Variants in UST observed in about 807,000 individuals in gnomAD.
UST encodes uronyl 2-sulfotransferase.
A neutral mutation model predicts 45.6 loss-of-function variants in UST; 21 were observed. The observed-to-expected ratio is 0.46, with a 90% CI of 0.33 to 0.66. The LOEUF is 0.66. Among genes scored for constraint, UST ranks in the 30% least tolerant of loss-of-function variants. The pLI, the probability that UST is intolerant of heterozygous loss-of-function variation, is 0.02. For missense variants in UST, 463 were observed against 512.4 expected, an observed-to-expected ratio of 0.90 and a Z score of 0.93; for synonymous variants, 215 against 200.6, an observed-to-expected ratio of 1.07 and a Z score of -0.61.
chr6:148,921,297 A>C (rs955102850), intron 2 of UST, among the ~76,000 whole-genome samples: 2 of 152,198 alleles, frequency 1.3e-5, no homozygotes, highest in Non-Finnish European at 2.9e-5. Context: ...AGTTGAGAAT[A>C]ATTTAGTGCC....
At chr6:148,753,502 A>AT (rs904944440) in intron 1 of UST, among the ~76,000 whole-genome samples, 7 of 152,032 alleles carry the variant, frequency 4.6e-5, no homozygotes, top group African/African-American at 1.7e-4. Flanking sequence ...TTTCCTAAGA[A>AT]TTTTTTTTAT....
intron 2 of UST, among the ~76,000 whole-genome samples, chr6:148,905,434 A>G (rs1298035356): frequency 1.3e-5 from 2 of 152,182 alleles, no homozygotes; most frequent in African/African-American, 4.8e-5. Flanking sequence ...ACTCCATGGA[A>G]ACAGAATTGT....
At chr6:148,877,281 A>ATCGTGTTTGAGTGCGGGGG (rs1778684387) in intron 1 of UST, among the ~76,000 whole-genome samples, 3 of 6,256 alleles carry the variant, frequency 4.8e-4, no homozygotes, top group African/African-American at 8.4e-4. Flanking sequence ...GAGTGCGGGG[A>ATCGTGTTTGAGTGCGGGGG]GTTGTGTATG....
At chr6:148,822,135 C>T (rs1328448004) in intron 1 of UST, among the ~76,000 whole-genome samples, 4 of 152,150 alleles carry the variant, frequency 2.6e-5, no homozygotes, top group Non-Finnish European at 5.9e-5. Flanking sequence ...CACATTGCTA[C>T]TGGAAGGTTG....
intron 7 of UST, among the ~76,000 whole-genome samples, chr6:149,050,660 CCA>C (rs1776470148): frequency 6.6e-6 from 1 of 152,148 alleles, no homozygotes; most frequent in South Asian, 2.1e-4. Context: ...ACTTTATCCT[CCA>C]AAATAAAATG....
At chr6:148,971,396 G>A (rs955225579) in intron 5 of UST, among the ~76,000 whole-genome samples, 6 of 152,194 alleles carry the variant, frequency 3.9e-5, no homozygotes, top group South Asian at 2.1e-4. Flanking sequence ...CTCACAGACT[G>A]CCAGGGAGAC....
chr6:148,910,915 C>G (rs1023291908), intron 2 of UST, among the ~76,000 whole-genome samples: 7 of 152,150 alleles, frequency 4.6e-5, no homozygotes, highest in Non-Finnish European at 8.8e-5. Flanking sequence ...CTTCCTTTCT[C>G]CTTCCGGCTG....
chr6:148,908,418 G>A (rs1395148464), intron 2 of UST, among the ~76,000 whole-genome samples: 1 of 152,116 alleles, frequency 6.6e-6, no homozygotes, highest in Non-Finnish European at 1.5e-5. Flanking sequence ...GTACATTAGC[G>A]AAGTCACCAA....
chr6:148,921,369 A>G (rs2114895831), intron 2 of UST, among the ~76,000 whole-genome samples: 1 of 152,318 alleles, frequency 6.6e-6, no homozygotes, highest in East Asian at 1.9e-4. Context: ...AGAGATGGAG[A>G]AGACGTGAGT....
chr6:148,775,525 CCT>C (rs1168013270), intron 1 of UST, among the ~76,000 whole-genome samples: 9 of 152,146 alleles, frequency 5.9e-5, no homozygotes, highest in Non-Finnish European at 4.4e-5. Context: ...TGTGAAACTA[CCT>C]CTGTGTATGT....
chr6:148,785,915 C>G (rs7739788), intron 1 of UST, among the ~76,000 whole-genome samples: 114,667 of 152,124 alleles, frequency 0.75, 43,263 homozygotes, highest in Middle Eastern at 0.88. Context: ...ATTGGATATA[C>G]AGAAGTAGAA....
intron 2 of UST, among the ~76,000 whole-genome samples, chr6:148,921,578 A>G (rs1309735097): frequency 6.6e-6 from 1 of 152,184 alleles, no homozygotes; most frequent in Non-Finnish European, 1.5e-5. Flanking sequence ...ATTGTGTTAG[A>G]ATTAATTAAG....
intron 2 of UST, among the ~76,000 whole-genome samples, chr6:148,923,351 C>T (rs1779752048): frequency 6.6e-6 from 1 of 152,170 alleles, no homozygotes; most frequent in Non-Finnish European, 1.5e-5. Context: ...TGAGGAGCTG[C>T]CAGACTGTTT....
intron 1 of UST, among the ~76,000 whole-genome samples, chr6:148,879,677 A>T (rs1185042152): frequency 1.3e-5 from 2 of 152,234 alleles, no homozygotes; most frequent in African/African-American, 4.8e-5. Flanking sequence ...GTAGTAGTGC[A>T]GCTAGTACTG....
At chr6:148,772,427 C>CT (rs570406798) in intron 1 of UST, among the ~76,000 whole-genome samples, 18,247 of 142,852 alleles carry the variant, frequency 0.13, 1,398 homozygotes, top group Middle Eastern at 0.17. Flanking sequence ...CCCTTCTGAC[C>CT]TTTTTTTTTT....
chr6:148,927,885 T>C (rs1314828879), intron 2 of UST, among the ~76,000 whole-genome samples: 1 of 152,218 alleles, frequency 6.6e-6, no homozygotes, highest in Non-Finnish European at 1.5e-5. Context: ...AAATTCAAAA[T>C]GTACAGAGAA....
chr6:149,053,932 C>T (rs901966830), intron 7 of UST, among the ~76,000 whole-genome samples: 1 of 152,176 alleles, frequency 6.6e-6, no homozygotes. Flanking sequence ...TGGCCGTGAC[C>T]TCTGTGAAAT....
intron 1 of UST, among the ~76,000 whole-genome samples, chr6:148,878,417 G>A (rs1778751210): frequency 8.3e-6 from 1 of 119,948 alleles, no homozygotes; most frequent in Admixed American, 8.2e-5. Flanking sequence ...GTATGAGTGG[G>A]GGGGTCGTGT....
At chr6:148,900,178 G>A (rs1779221819) in intron 2 of UST, among the ~76,000 whole-genome samples, 2 of 152,174 alleles carry the variant, frequency 1.3e-5, no homozygotes, top group Non-Finnish European at 2.9e-5. Context: ...CACATTAGGT[G>A]TTGTGTCAGT....
Sources: gnomAD v4.1 joint callset for allele counts (sites outside exome capture counted in the v4.1 genomes callset) on GRCh38, gnomAD v4.1.1 for gene constraint, MANE v1.5 for transcripts, NCBI Gene and HGNC (gene_info 2026-07-23, HGNC 2026-07-21) for gene names.